Variants in PCDHGA5 observed in about 807,000 individuals in gnomAD.
PCDHGA5 encodes the protein protocadherin gamma-A5.
In PCDHGA5, 36 loss-of-function variants were observed where a neutral mutation model predicts 56.7. The ratio of observed to expected loss-of-function variants is 0.64; its 90% CI spans 0.49 to 0.84. The LOEUF (loss-of-function observed/expected upper bound fraction) is 0.84, where lower values mean the gene tolerates loss of function less well. Ranked by LOEUF, PCDHGA5 falls within the 40% of genes least tolerant of loss-of-function variation. The probability of loss-of-function intolerance (pLI) is 0.00; values close to 1 mark genes in which losing one functional copy is unlikely to be tolerated. For synonymous variants in PCDHGA5, 563 were observed against 520.2 expected (o/e 1.08, Z -1.12); for missense variants, 1,305 against 1,201.5 (o/e 1.09, Z -1.27).
Position 141,491,712 on chromosome 5 carries a change from G to C in PCDHGA5, c.2422-3095G>C. 3.1e-6 allele frequency: 5 copies of C among 1,609,408 alleles called. No individual in the cohort carries two copies. Among genetic ancestry groups the C allele is most frequent in the Middle Eastern group, 1.7e-4 (1 of 6,024 alleles). ...GGGAGCGGAGCCAGGTGAGGGGCTCGGCGCCGCCCCGGGCGACCCCTGGGG... is the reference window on the plus strand; with the variant it reads ...GGGAGCGGAGCCAGGTGAGGGGCTCCGCGCCGCCCCGGGCGACCCCTGGGG... On this transcript the variant is annotated intron_variant, in intron 1 of 3. Transcript: ENST00000518069. The surrounding 1 kb of genome is among the most constrained non-coding windows in gnomAD (Gnocchi z 6.9).
rs1194485862 is a variant in PCDHGA5 at position 141,366,483 on chromosome 5, G to T, written c.2153G>T (p.Arg718Leu). 1.4e-5 allele frequency: 23 copies of T among 1,614,118 alleles called. No individual in the cohort carries two copies. Among genetic ancestry groups the T allele is most frequent in the Non-Finnish European group, 1.8e-5 (21 of 1,180,054 alleles). The change falls in exon 1 of 4, where the codon CGC becomes CTC. Residue 718 changes from arginine (R) to leucine (L), a missense_variant. By Grantham distance (102) the Arg-to-Leu change is moderately radical. Coordinates refer to ENST00000518069, the MANE Select transcript of PCDHGA5 (RefSeq NM_018918.3). ...GTGCTGCTGGTGCTCAGACTGAGGC[G>T]CTGGCACAAGTCACGCCTGCTTCAG... ...VIVLLVLRLR[R>L]WHKSRLLQAE...
chr5:141,460,766 A>G (rs1370331016), intron 1 of PCDHGA5, among the ~76,000 whole-genome samples: 1 of 152,056 alleles, frequency 6.6e-6, no homozygotes, highest in Non-Finnish European at 1.5e-5. Flanking sequence ...TACATATTGC[A>G]TATGTATGTA....
chr5:141,415,311 C>T, intron 1 of PCDHGA5: 2 of 1,614,242 alleles, frequency 1.2e-6, no homozygotes, highest in Non-Finnish European at 1.7e-6. Context: ...TGGCCTTCGT[C>T]ATCGTGCTGC....
intron 1 of PCDHGA5, chr5:141,410,657 G>A: frequency 1.9e-6 from 3 of 1,579,248 alleles, no homozygotes; most frequent in Non-Finnish European, 2.6e-6. Flanking sequence ...TTATCTAATA[G>A]TCTACTAGTT....
chr5:141,417,001 ATAAT>A (rs2096073629), intron 1 of PCDHGA5: 2 of 150,812 alleles, frequency 1.3e-5, no homozygotes, highest in Non-Finnish European at 1.5e-5. Flanking sequence ...TTCATCTCAA[ATAAT>A]TCTATTATTT....
chr5:141,505,345 G>A (rs776607130), intron 2 of PCDHGA5, 48 bp from the exon 3 acceptor site: 13 of 1,613,086 alleles, frequency 8.1e-6, no homozygotes, highest in Non-Finnish European at 1.1e-5. Flanking sequence ...AGGGGCATGA[G>A]CTGTGCCGGC....
At chr5:141,425,447 A>G (rs549575207) in intron 1 of PCDHGA5, among the ~76,000 whole-genome samples, 5 of 152,318 alleles carry the variant, frequency 3.3e-5, no homozygotes, top group African/African-American at 1.2e-4. Flanking sequence ...AAAATAAAAC[A>G]CCATCACATT....
rs748457785 is a variant in PCDHGA5 at position 141,489,197 on chromosome 5, A to G, written c.2422-5610A>G. On this transcript the variant is annotated intron_variant, in intron 1 of 3. Coordinates refer to ENST00000518069, the MANE Select transcript of PCDHGA5 (RefSeq NM_018918.3). This position sits in a 1 kb window ranked among gnomAD's most constrained non-coding sequence, Gnocchi z 4.5. ...TCCAAGCCCTGGGTCTACCTTGGAG[A>G]CAGGACAGCACAGACTTACTCTCCA... 7 of 1,391,050 alleles carry G rather than the reference A, an allele frequency of 5.0e-6. No individual in the cohort carries two copies. Among genetic ancestry groups the G allele is most frequent in the African/African-American group, 2.9e-5 (2 of 69,150 alleles). 86.2% of individuals were successfully genotyped at this position (1,391,050 alleles called of 1,614,324 possible).
chr5:141,397,809 A>G lies in PCDHGA5; in HGVS notation c.2421+31058A>G, dbSNP rs116170608. Among the ~76,000 whole-genome samples, 1,507 of 152,354 alleles carry G rather than the reference A, an allele frequency of 9.9e-3. 33 individuals carry two copies. Among genetic ancestry groups the G allele is most frequent in the African/African-American group, 0.034 (1,415 of 41,586 alleles). ...ACTTGGCTTGTTAAGTTAGGCACACAAAAACAATTACTGCACTGGTTAACT... is the reference window on the plus strand; with the variant it reads ...ACTTGGCTTGTTAAGTTAGGCACACGAAAACAATTACTGCACTGGTTAACT... On this transcript the variant is annotated intron_variant, in intron 1 of 3. Coordinates refer to ENST00000518069, the MANE Select transcript of PCDHGA5 (RefSeq NM_018918.3).
chr5:141,418,649 G>A (rs760169796), intron 1 of PCDHGA5: 3 of 1,613,926 alleles, frequency 1.9e-6, no homozygotes, highest in Non-Finnish European at 2.5e-6. Flanking sequence ...CATCCTGAGA[G>A]TGAAGGCCAC....
At chr5:141,449,631 G>C in intron 1 of PCDHGA5, among the ~76,000 whole-genome samples, 1 of 148,476 alleles carries the variant, frequency 6.7e-6, no homozygotes, top group Middle Eastern at 3.6e-3. Flanking sequence ...TTAAAAAGAT[G>C]TATCTATATA....
intron 2 of PCDHGA5, among the ~76,000 whole-genome samples, chr5:141,496,352 G>A (rs2099768243): frequency 2.0e-5 from 3 of 152,200 alleles, no homozygotes; most frequent in South Asian, 2.1e-4. Context: ...GAGTCTCAGA[G>A]CCCAGGGAGA....
In PCDHGA5 at chr5:141,419,962, GCT is replaced by G. The variant is rs1374844110; in HGVS notation, c.2421+53214_2421+53215del. ...TGGTGGCCTTGGCCTTGATTTCTGTGCTCTTTCTCCTCGCGGTGATTCTAGCT... is the reference window on the plus strand; with the variant it reads ...TGGTGGCCTTGGCCTTGATTTCTGTGCTTTCTCCTCGCGGTGATTCTAGCT... On this transcript the variant is annotated intron_variant, in intron 1 of 3. Coordinates refer to ENST00000518069, the MANE Select transcript of PCDHGA5 (RefSeq NM_018918.3). The G allele has an allele frequency of 3.1e-6, 5 of 1,613,974 alleles. No homozygotes were observed. In the African/African-American group the frequency reaches 4.0e-5, roughly 13 times the overall value.
At chr5:141,498,991 AG>A (rs1449718352) in intron 2 of PCDHGA5, among the ~76,000 whole-genome samples, 8 of 144,362 alleles carry the variant, frequency 5.5e-5, no homozygotes, top group Non-Finnish European at 1.0e-4. Context: ...GAAGGAAGGA[AG>A]GAAGGAAGGA....
Position 141,476,908 on chromosome 5 carries a change from A to T in PCDHGA5, c.2422-17899A>T. ...ATGCACCCTCCGGCACGCGCGTGGT[A>T]CAAGTCCTTGCAACGGATCTGGATG... is the stretch of plus-strand genomic sequence containing the variant. On this transcript the variant is annotated intron_variant, in intron 1 of 3. Coordinates refer to ENST00000518069, the MANE Select transcript of PCDHGA5 (RefSeq NM_018918.3). This position sits in a 1 kb window ranked among gnomAD's most constrained non-coding sequence, Gnocchi z 7.6. The T allele has an allele frequency of 1.2e-6, 2 of 1,614,050 alleles. No individual in the cohort carries two copies. The highest frequency in any genetic ancestry group is 1.7e-6 in the Non-Finnish European group (2 of 1,180,038).
intron 1 of PCDHGA5, among the ~76,000 whole-genome samples, chr5:141,481,105 T>C (rs1357970765): frequency 6.6e-6 from 1 of 152,188 alleles, no homozygotes; most frequent in Non-Finnish European, 1.5e-5. Flanking sequence ...CTCTGGAACC[T>C]ACCAATCCAT....
rs115453161 is a variant in PCDHGA5, at chr5:141,365,386, G to A, written c.1056G>A (p.Leu352=). The part of the protein sequence containing the change: ...DNAPEVILTS[L]TSSISEDCLP... ...CCCCCGAAGTGATCCTCACCTCTCT[G>A]ACCAGTTCGATCTCTGAAGACTGTC... The change falls in exon 1 of 4, where the codon CTG becomes CTA. Residue 352 remains leucine (L), a synonymous_variant. Coordinates refer to ENST00000518069, the MANE Select transcript of PCDHGA5 (RefSeq NM_018918.3). 1,074 of 1,613,934 alleles carry A rather than the reference G, an allele frequency of 6.7e-4. 8 individuals carry two copies. In the African/African-American group the frequency reaches 0.012, roughly 19 times the overall value.
intron 1 of PCDHGA5, chr5:141,384,517 C>G: frequency 6.2e-7 from 1 of 1,614,192 alleles, no homozygotes; most frequent in South Asian, 1.1e-5. Context: ...CAGCGGGGAC[C>G]CGCCTCTCAG....
chr5:141,410,560 A>G (rs769354927), intron 1 of PCDHGA5: 3 of 1,612,824 alleles, frequency 1.9e-6, no homozygotes, highest in African/African-American at 1.3e-5. Flanking sequence ...TTTCTCCTGG[A>G]GCCTTAATTC....
Sources: gnomAD v4.1 joint callset for allele counts (sites outside exome capture counted in the v4.1 genomes callset) on GRCh38, gnomAD v4.1.1 for gene constraint, Gnocchi (gnomAD v3.1) non-coding constraint, MANE v1.5 for transcripts, NCBI Gene and HGNC (gene_info 2026-07-23, HGNC 2026-07-21) for gene names.